Variants in EIF4ENIF1 observed in about 807,000 individuals in gnomAD.
EIF4ENIF1 encodes the protein eukaryotic translation initiation factor 4E transporter.
Under a neutral mutation model 110.5 loss-of-function variants are expected in EIF4ENIF1, and 23 were observed. The observed-to-expected ratio is 0.21, with a 90% CI of 0.15 to 0.29. The LOEUF (loss-of-function observed/expected upper bound fraction) is 0.29, where lower values mean the gene tolerates loss of function less well. EIF4ENIF1 is among the 10% of genes least tolerant of loss of function. EIF4ENIF1 has a pLI of 1.00. For synonymous variants in EIF4ENIF1, 440 were observed against 437.0 expected (o/e 1.01, Z -0.09); for missense variants, 1,031 against 1,221.1 (o/e 0.84, Z 2.32).
chr22:31,462,140 G>C (rs1192097819), intron 6 of EIF4ENIF1, among the ~76,000 whole-genome samples: 1 of 144,852 alleles, frequency 6.9e-6, no homozygotes, highest in Non-Finnish European at 1.5e-5. Context: ...GTGGCAGGCA[G>C]AACGAGTTAG....
chr22:31,483,349 C>T (rs981470077), intron 2 of EIF4ENIF1, among the ~76,000 whole-genome samples: 6 of 150,752 alleles, frequency 4.0e-5, no homozygotes, highest in African/African-American at 7.3e-5. Context: ...ACAGGCAATA[C>T]GCCACCATAC....
Position 31,440,063 on chromosome 22 carries a change from AG to A in EIF4ENIF1, c.2774del (p.Pro925LeufsTer54). Reference sequence around the variant, plus strand: ...GGCCTGACCGGCTGGGCACGTTCTGAGGGGTTGTCTGAACGCTGACAGCTGC... The same window carrying A: ...GGCCTGACCGGCTGGGCACGTTCTGAGGGTTGTCTGAACGCTGACAGCTGC... Reference protein sequence around the residue: ...HAAAVSVQTTPQNVPSRSGLP... With the variant: ...HAAAVSVQTTXQNVPSRSGLP... On this transcript the variant is annotated frameshift_variant, in exon 19 of 19. Coordinates refer to ENST00000330125, the MANE Select transcript of EIF4ENIF1 (RefSeq NM_019843.4). LOFTEE classifies it high-confidence loss of function. 1 of 1,614,052 alleles carries A rather than the reference AG, an allele frequency of 6.2e-7. No individual in the cohort carries two copies. The highest frequency in any genetic ancestry group is 8.5e-7 in the Non-Finnish European group (1 of 1,179,984).
chr22:31,475,490 G>A (rs2051537290), intron 2 of EIF4ENIF1, among the ~76,000 whole-genome samples: 3 of 152,060 alleles, frequency 2.0e-5, no homozygotes, highest in African/African-American at 2.4e-5. Context: ...AGTGGCTCAC[G>A]CCTGTAATCC....
intron 3 of EIF4ENIF1, among the ~76,000 whole-genome samples, chr22:31,471,172 C>T (rs1224510504): frequency 5.3e-5 from 8 of 151,816 alleles, no homozygotes; most frequent in South Asian, 4.2e-4. Context: ...CTAATCTGAA[C>T]GGCTGAATAG....
chr22:31,446,376 G>GT (rs941795764), intron 14 of EIF4ENIF1, among the ~76,000 whole-genome samples: 3 of 151,282 alleles, frequency 2.0e-5, no homozygotes, highest in Non-Finnish European at 2.9e-5. Context: ...CAGAAAGCAC[G>GT]TGAGAGGGGT....
intron 2 of EIF4ENIF1, among the ~76,000 whole-genome samples, chr22:31,486,758 G>A (rs1190912259): frequency 3.9e-5 from 6 of 151,998 alleles, no homozygotes; most frequent in South Asian, 2.1e-4. Context: ...GTGATAGAGC[G>A]AGACTCCGTC....
At chr22:31,490,202 C>T (rs1309912671), upstream of EIF4ENIF1, among the ~76,000 whole-genome samples, 1 of 152,238 alleles carries the variant, frequency 6.6e-6, no homozygotes, top group Non-Finnish European at 1.5e-5. Flanking sequence ...GCCACTCTCC[C>T]GGAGGCGGTG....
At chr22:31,463,171 G>A in intron 5 of EIF4ENIF1, 38 bp from the exon 6 acceptor site, 6 of 1,595,558 alleles carry the variant, frequency 3.8e-6, no homozygotes, top group Non-Finnish European at 5.1e-6. Context: ...AAAATTTCTA[G>A]TCAAGCCATT....
intron 14 of EIF4ENIF1, among the ~76,000 whole-genome samples, chr22:31,445,937 A>G (rs1446642636): frequency 1.3e-5 from 2 of 149,830 alleles, no homozygotes; most frequent in Non-Finnish European, 3.0e-5. Context: ...GTATCTGTAA[A>G]ATGCAGTTAC....
chr22:31,458,580 C>T lies in EIF4ENIF1; in HGVS notation c.858G>A (p.Ala286=), dbSNP rs143389379. 296 of 1,613,778 alleles carry T rather than the reference C, an allele frequency of 1.8e-4. No homozygotes were observed. In the African/African-American group the frequency reaches 3.4e-3, roughly 19 times the overall value. Residue 286 remains alanine, a synonymous_variant, in exon 7 of 19, where the codon GCG becomes GCA. Transcript: ENST00000330125. ...EVEVILAQEP[A]ADQEVPRDAV... The stretch of plus-strand genomic sequence containing the variant: ...CATCCCTTGGCACTTCCTGATCAGC[C>T]GCAGGCTCCTGTGCAAGGATGACCT...
At chr22:31,490,895 AACTTC>A (rs1387000890), upstream of EIF4ENIF1, among the ~76,000 whole-genome samples, 8 of 152,242 alleles carry the variant, frequency 5.3e-5, no homozygotes, top group African/African-American at 9.6e-5. Flanking sequence ...ACTTTGTTGG[AACTTC>A]ACTTCACTTG....
rs182946701 is a variant in EIF4ENIF1, at chr22:31,440,077, C to T, written c.2761G>A (p.Val921Ile). Residue 921 changes from valine (V) to isoleucine (I), a missense_variant, in exon 19 of 19, where the codon GTT becomes ATT. Around this residue, in one of 3 missense-constraint regions of EIF4ENIF1, gnomAD observed 309 missense variants for 299.1 expected, o/e 1.03. Transcript: ENST00000330125. ...GGCACGTTCTGAGGGGTTGTCTGAA[C>T]GCTGACAGCTGCTGCATGGGAACCA... ...GSGSHAAAVS[V>I]QTTPQNVPSR... 2.0e-5 allele frequency: 32 copies of T among 1,614,098 alleles called. No homozygotes were observed. The highest frequency in any genetic ancestry group is 1.7e-4 in the Middle Eastern group (1 of 6,060).
chr22:31,455,422 G>A (rs2050785032), intron 8 of EIF4ENIF1, 107 bp from the exon 9 acceptor site: 2 of 1,003,406 alleles, frequency 2.0e-6, no homozygotes. Context: ...TCTTTGAGAT[G>A]GAGTTTCGCT....
intron 2 of EIF4ENIF1, among the ~76,000 whole-genome samples, chr22:31,476,176 C>T (rs2051564408): frequency 6.6e-6 from 1 of 152,196 alleles, no homozygotes; most frequent in Non-Finnish European, 1.5e-5. Context: ...TATCCCCTTA[C>T]TACCCCATGC....
At chr22:31,466,136 G>A (rs1715200229) in intron 4 of EIF4ENIF1, among the ~76,000 whole-genome samples, 1 of 152,108 alleles carries the variant, frequency 6.6e-6, no homozygotes, top group Admixed American at 6.6e-5. Flanking sequence ...ATTGGGGCCA[G>A]GCACGGTGAC....
intron 2 of EIF4ENIF1, among the ~76,000 whole-genome samples, chr22:31,472,208 T>C (rs1352943710): frequency 6.6e-6 from 1 of 152,082 alleles, no homozygotes; most frequent in African/African-American, 2.4e-5. Flanking sequence ...ACTTTAGTGT[T>C]AGATAAAACC....
chr22:31,449,590 T>G, intron 11 of EIF4ENIF1, 59 bp from the exon 12 acceptor site: 3 of 1,514,348 alleles, frequency 2.0e-6, no homozygotes, highest in South Asian at 2.5e-5. Context: ...TCAGAGGCTG[T>G]GAATTATGGA....
At chr22:31,476,491 G>A (rs772244321) in intron 2 of EIF4ENIF1, among the ~76,000 whole-genome samples, 2 of 152,086 alleles carry the variant, frequency 1.3e-5, no homozygotes, top group Non-Finnish European at 2.9e-5. Flanking sequence ...TTTAACAGAA[G>A]TAACAGTCTT....
intron 6 of EIF4ENIF1, among the ~76,000 whole-genome samples, chr22:31,459,669 A>C (rs2050931975): frequency 1.3e-5 from 2 of 152,194 alleles, no homozygotes; most frequent in Non-Finnish European, 2.9e-5. Context: ...TATACTCTAC[A>C]ATGTTCAGTT....
Sources: allele counts gnomAD v4.1 joint callset (sites outside exome capture counted in the v4.1 genomes callset), GRCh38; gene constraint gnomAD v4.1.1; regional missense constraint gnomAD v4.1.1; transcripts MANE v1.5; gene names NCBI Gene and HGNC (gene_info 2026-07-23, HGNC 2026-07-21).